The following OFD1 variants were observed in gnomAD, a reference collection of about 807,000 sequenced individuals.
OFD1 encodes OFD1 centriole and centriolar satellite protein.
Under a neutral mutation model 81.4 loss-of-function variants are expected in OFD1, and 12 were observed. That is an observed-to-expected ratio of 0.15 (90% CI 0.09 to 0.24). OFD1 has a LOEUF of 0.24. OFD1 is among the 10% of genes least tolerant of loss of function. OFD1 has a pLI of 1.00. For synonymous variants in OFD1, 256 were observed against 263.7 expected, an observed-to-expected ratio of 0.97 and a Z score of 0.28; for missense variants, 685 against 733.9, an observed-to-expected ratio of 0.93 and a Z score of 0.77.
At chrX:13,756,414 A>G (rs1157092117) in intron 12 of OFD1, among the ~76,000 whole-genome samples, 164 bp from the exon 13 acceptor site, 1 of 112,148 alleles carries the variant, frequency 8.9e-6, no homozygotes, top group Non-Finnish European at 1.9e-5. Flanking sequence ...AGGGCGGAAG[A>G]TAATTTTCGT....
chrX:13,728,693 G>T, the OFD1 span, among the ~76,000 whole-genome samples: 1 of 112,075 alleles, frequency 8.9e-6, no homozygotes. Context: ...ACTGGCACAA[G>T]ACAAGGATGC....
intron 8 of OFD1, among the ~76,000 whole-genome samples, chrX:13,747,727 A>G (rs1207194571): frequency 9.0e-6 from 1 of 111,690 alleles, no homozygotes; most frequent in Non-Finnish European, 1.9e-5. Flanking sequence ...GGTGGAGACT[A>G]GAAACCAAAT....
chrX:13,767,916 G>T, intron 20 of OFD1, 138 bp from the exon 21 acceptor site: 1 of 557,230 alleles, frequency 1.8e-6, no homozygotes, highest in South Asian at 3.0e-5. Flanking sequence ...TGATAGCAAT[G>T]ACTTCAATTT....
In OFD1 at chrX:13,735,279, G is replaced by C. The variant is rs767700124; in HGVS notation, c.44G>C (p.Ser15Thr). ...SNMFTVADVL[S>T]QDELRKKLYQ... ...ATGTTTACCGTGGCTGATGTGTTGA[G>C]TCAAGATGAACTGCGCAAAAAGCTA... The change falls in exon 2 of 23, where the codon AGT (serine) becomes ACT (threonine). Residue 15 changes from serine to threonine, a missense_variant. Coordinates refer to ENST00000340096, the MANE Select transcript of OFD1 (RefSeq NM_003611.3). 2.5e-6 allele frequency: 3 copies of C among 1,211,839 alleles called. No individual in the cohort carries two copies. The highest frequency in any genetic ancestry group is 3.4e-6 in the Non-Finnish European group (3 of 895,380).
At chrX:13,723,367 C>T in the OFD1 span, among the ~76,000 whole-genome samples, 3 of 110,143 alleles carry the variant, frequency 2.7e-5, no homozygotes, top group Non-Finnish European at 5.7e-5. Flanking sequence ...GGGGATTCAC[C>T]GTGTTGGCCA....
the OFD1 span, among the ~76,000 whole-genome samples, chrX:13,717,060 A>T: frequency 9.5e-6 from 1 of 104,772 alleles, no homozygotes; most frequent in Non-Finnish European, 2.0e-5. Context: ...AAAAAAAAAA[A>T]AAAACAAGAT....
Position 13,745,924 on chromosome X carries a change from T to C in OFD1, c.518-395T>C, listed in dbSNP as rs748538918. Among the ~76,000 whole-genome samples, 3 of 112,651 alleles carry C rather than the reference T, an allele frequency of 2.7e-5. No individual in the cohort carries two copies. The South Asian group carries it at 1.1e-3, about 41-fold the overall frequency. On this transcript the variant is annotated intron_variant, in intron 6 of 22. Transcript: ENST00000340096. ...TATTGTTTTGAATATGTAAGTCAGC[T>C]TTAACCAGAGTCCAATAAAGAGCTC...
At chrX:13,747,147 A>G (rs929272432) in intron 8 of OFD1, among the ~76,000 whole-genome samples, 194 bp downstream of exon 8, 4 of 112,038 alleles carry the variant, frequency 3.6e-5, no homozygotes, top group African/African-American at 1.3e-4. Context: ...GACTGATGGA[A>G]AGGCGAGAAC....
intron 3 of OFD1, among the ~76,000 whole-genome samples, chrX:13,738,009 C>G (rs1420311684): frequency 9.0e-6 from 1 of 110,843 alleles, no homozygotes; most frequent in African/African-American, 3.3e-5. Context: ...ACCACTACAC[C>G]TGGCTAACTT....
the OFD1 span, among the ~76,000 whole-genome samples, chrX:13,723,058 GCA>G: frequency 5.6e-4 from 55 of 97,375 alleles, no homozygotes; most frequent in South Asian, 0.024. Flanking sequence ...TCGTGCCACT[GCA>G]CACTCCAGCC....
At chrX:13,730,379 G>A (rs181394438), upstream of OFD1, among the ~76,000 whole-genome samples, 255 of 112,062 alleles carry the variant, frequency 2.3e-3, 1 homozygote, top group African/African-American at 7.3e-3. Flanking sequence ...ACCATCTCAC[G>A]CCAGTTAGAA....
At position 13,761,143 on chromosome X, in the gene OFD1, A is replaced by G. The variant is rs752137789; in HGVS notation, c.2319A>G (p.Pro773=). ...CTTGTCCTGACAGAATGCCCCTACCATCACCCACTGAGTCTAGGCACAGCC... is the reference window on the plus strand; with the variant it reads ...CTTGTCCTGACAGAATGCCCCTACCGTCACCCACTGAGTCTAGGCACAGCC... The part of the protein sequence containing the change: ...PSPCPDRMPL[P]SPTESRHSLS... Residue 773 remains proline (P), a synonymous_variant, in exon 17 of 23, where the codon CCA becomes CCG. Coordinates refer to ENST00000340096, the MANE Select transcript of OFD1 (RefSeq NM_003611.3). 45 of 1,207,994 alleles carry G rather than the reference A, an allele frequency of 3.7e-5. No individual in the cohort carries two copies. In the East Asian group the frequency reaches 8.9e-4, roughly 24 times the overall value.
Position 13,753,440 on chromosome X carries a change from A to C in OFD1, c.1128A>C (p.Lys376Asn), listed in dbSNP as rs758883184. 1.3e-5 allele frequency: 16 copies of C among 1,207,796 alleles called. No homozygotes were observed. In the African/African-American group the frequency reaches 2.8e-4, roughly 21 times the overall value. ...NRLIEDERKN[K>N]EKAVHLQEEL... ...TGATTGAAGATGAAAGGAAGAATAAAGGTGATGTTTGGGGGGAAAATAAGC... is the reference window on the plus strand; with the variant it reads ...TGATTGAAGATGAAAGGAAGAATAACGGTGATGTTTGGGGGGAAAATAAGC... Residue 376 changes from lysine to asparagine, a missense_variant and splice_region_variant, in exon 11 of 23, where the codon AAA becomes AAC. Physicochemically the swap from Lys to Asn is moderately conservative, Grantham distance 94. Coordinates refer to ENST00000340096, the MANE Select transcript of OFD1 (RefSeq NM_003611.3).
chrX:13,750,632 GTTTT>G (rs1163018644), intron 9 of OFD1, among the ~76,000 whole-genome samples: 1 of 111,732 alleles, frequency 8.9e-6, no homozygotes, highest in Non-Finnish European at 1.9e-5. Context: ...AATCAATAGG[GTTTT>G]TTGTTTGTTT....
At chrX:13,737,030 G>A (rs991241945) in intron 3 of OFD1, among the ~76,000 whole-genome samples, 1 of 112,044 alleles carries the variant, frequency 8.9e-6, no homozygotes, top group Non-Finnish European at 1.9e-5. Context: ...CACTGCAGAT[G>A]TTTTGTGTGT....
intron 5 of OFD1, among the ~76,000 whole-genome samples, chrX:13,743,540 A>G (rs1257213490): frequency 8.9e-6 from 1 of 112,302 alleles, no homozygotes; most frequent in African/African-American, 3.2e-5. Context: ...GCACTGACAA[A>G]TTTCTCTTCC....
At chrX:13,740,053 T>G in intron 5 of OFD1, 1 of 939,463 alleles carries the variant, frequency 1.1e-6, no homozygotes, top group Non-Finnish European at 1.4e-6. Flanking sequence ...CCAATTCATT[T>G]AGAACTTAAT....
intron 20 of OFD1, 65 bp from the exon 21 acceptor site, chrX:13,767,989 T>G (rs2048196922): frequency 2.7e-5 from 29 of 1,087,485 alleles, no homozygotes; most frequent in Non-Finnish European, 3.5e-5. Flanking sequence ...TTAGTGCATT[T>G]TTAAAACACT....
At position 13,753,457 on chromosome X, in the gene OFD1, A is replaced by T. The variant is rs3815049; in HGVS notation, c.1129+16A>T. The T allele has an allele frequency of 1.7e-6, 2 of 1,206,198 alleles. No individual in the cohort carries two copies. Among genetic ancestry groups the T allele is most frequent in the South Asian group, 1.8e-5 (1 of 56,808 alleles). On this transcript the variant is annotated intron_variant, in intron 11 of 22. Coordinates refer to ENST00000340096, the MANE Select transcript of OFD1 (RefSeq NM_003611.3). ...AAGAATAAAGGTGATGTTTGGGGGG[A>T]AAATAAGCTGTATTTTTCAGTTCTG...
Sources: gnomAD v4.1 joint callset for allele counts (sites outside exome capture counted in the v4.1 genomes callset) on GRCh38, gnomAD v4.1.1 for gene constraint, MANE v1.5 for transcripts, NCBI Gene and HGNC (gene_info 2026-07-23, HGNC 2026-07-21) for gene names.